SLC44A1: variants seen among roughly 807,000 people sequenced by gnomAD.
SLC44A1 encodes solute carrier family 44 member 1, also known as choline transporter-like protein 1.
A neutral mutation model predicts 79.3 loss-of-function variants in SLC44A1; 26 were observed. The observed-to-expected ratio is 0.33, with a 90% CI of 0.24 to 0.46. The LOEUF (loss-of-function observed/expected upper bound fraction) is 0.46. Ranked by LOEUF, SLC44A1 falls within the 20% of genes least tolerant of loss-of-function variation. The probability of loss-of-function intolerance (pLI) is 1.00; values close to 1 mark genes in which losing one functional copy is unlikely to be tolerated. For missense variants in SLC44A1, 688 were observed against 798.1 expected (o/e 0.86, Z 1.66); for synonymous variants, 263 against 286.2 (o/e 0.92, Z 0.82).
chr9:105,380,983 T>C (rs1828445147), intron 13 of SLC44A1, among the ~76,000 whole-genome samples: 1 of 152,252 alleles, frequency 6.6e-6, no homozygotes, highest in African/African-American at 2.4e-5. Context: ...CTACATTTTT[T>C]TGGCTAAACA....
intron 3 of SLC44A1, among the ~76,000 whole-genome samples, chr9:105,319,376 G>A (rs960654651): frequency 6.6e-6 from 1 of 152,118 alleles, no homozygotes; most frequent in African/African-American, 2.4e-5. Flanking sequence ...TCTCCCTTGG[G>A]GAGAGTGGAG....
chr9:105,283,412 G>A (rs773760090), intron 1 of SLC44A1, among the ~76,000 whole-genome samples: 1 of 152,234 alleles, frequency 6.6e-6, no homozygotes, highest in Non-Finnish European at 1.5e-5. Context: ...TAGCTGTGAA[G>A]AGGCGCTCTG....
chr9:105,413,144 ATCAG>A (rs1206044781), intron 15 of SLC44A1, among the ~76,000 whole-genome samples: 1 of 152,246 alleles, frequency 6.6e-6, no homozygotes, highest in Non-Finnish European at 1.5e-5. Flanking sequence ...CTTCTGTTTC[ATCAG>A]TCAATTAACA....
At chr9:105,315,826 T>C (rs761192627) in intron 3 of SLC44A1, among the ~76,000 whole-genome samples, 2 of 152,192 alleles carry the variant, frequency 1.3e-5, no homozygotes, top group Non-Finnish European at 2.9e-5. Context: ...TGTACAGTGT[T>C]TCATTATGTG....
intron 1 of SLC44A1, among the ~76,000 whole-genome samples, chr9:105,245,764 T>A (rs1257942527): frequency 1.3e-5 from 2 of 152,238 alleles, no homozygotes; most frequent in Admixed American, 1.3e-4. Flanking sequence ...GCTTCTACCC[T>A]GCCCCCATCC....
intron 4 of SLC44A1, among the ~76,000 whole-genome samples, chr9:105,336,134 ATGTGTGTG>A (rs35324360): frequency 6.9e-6 from 1 of 145,072 alleles, no homozygotes; most frequent in Non-Finnish European, 1.5e-5. Context: ...GTGTGTGTGC[ATGTGTGTG>A]TGTGTGTGTG....
At position 105,352,801 on chromosome 9, in the gene SLC44A1, C is replaced by T. The variant is rs566421963; in HGVS notation, c.501-3411C>T. Among the ~76,000 whole-genome samples the T allele has an allele frequency of 2.6e-5, 4 of 152,112 alleles. No homozygotes were observed. In the South Asian group the frequency reaches 6.2e-4, roughly 24 times the overall value. On this transcript the variant is annotated intron_variant, in intron 5 of 15. Transcript: ENST00000374720. ...TTCATTAAATCACATGGGATTTAAA[C>T]GCTAAAATATAAAACAAACCATTTC...
intron 15 of SLC44A1, among the ~76,000 whole-genome samples, chr9:105,422,518 A>G (rs1829267681): frequency 6.6e-6 from 1 of 151,670 alleles, no homozygotes; most frequent in South Asian, 2.1e-4. Context: ...TGATCTCTTA[A>G]ACTGGTGATC....
intron 1 of SLC44A1, among the ~76,000 whole-genome samples, chr9:105,251,992 G>A (rs111639679): frequency 1.4e-4 from 22 of 152,238 alleles, no homozygotes; most frequent in Admixed American, 3.3e-4. Context: ...TATGGCTTAC[G>A]AGCTAAGAAT....
At chr9:105,351,632 G>GAAGAAAGAAAGAA (rs768336417) in intron 5 of SLC44A1, among the ~76,000 whole-genome samples, 3 of 101,394 alleles carry the variant, frequency 3.0e-5, no homozygotes, top group Admixed American at 2.0e-4. Flanking sequence ...GAGAGAGAAA[G>GAAGAAAGAAAGAA]AGAAAGAAAG....
Position 105,392,984 on chromosome 9 carries a change from ACT to A in SLC44A1, c.*3932_*3933del. 3.0e-6 allele frequency: 3 copies of A among 984,616 alleles called. No individual in the cohort carries two copies. The highest frequency in any genetic ancestry group is 3.6e-6 in the Non-Finnish European group (3 of 829,514). The allele number at this position is 984,616 out of a possible 1,614,324, so 61.0% of individuals were successfully genotyped here. A position where few individuals can be genotyped will look rare whatever the true frequency, so the allele number is the denominator to read the frequency against. On this transcript the variant is annotated 3_prime_UTR_variant, in exon 16 of 16. Transcript: ENST00000374720. ...AAAAAAAACAACAACAACAAATAAA[ACT>A]CTCAGAGTCTGGAGGCTTATCAGTG...
At position 105,431,979 on chromosome 9, in the gene SLC44A1, G is replaced by A. The variant is rs150238759; in HGVS notation, c.1951-6302G>A. Among the ~76,000 whole-genome samples the A allele has an allele frequency of 9.7e-3, 1,484 of 152,328 alleles. 15 individuals carry two copies. The highest frequency in any genetic ancestry group is 0.015 in the Non-Finnish European group (1,023 of 68,032). Reference sequence around the variant, plus strand: ...ACTCTGTTGCCCAGGCTTTAGTGCAGTGGCGCAATCTTGGCTCACTGCAAC... The same window carrying A: ...ACTCTGTTGCCCAGGCTTTAGTGCAATGGCGCAATCTTGGCTCACTGCAAC... On this transcript the variant is annotated intron_variant, in intron 15 of 15. Coordinates refer to the SLC44A1 transcript ENST00000374724.
chr9:105,324,443 G>A (rs1826507588), intron 3 of SLC44A1, among the ~76,000 whole-genome samples: 1 of 151,498 alleles, frequency 6.6e-6, no homozygotes, highest in African/African-American at 2.4e-5. Flanking sequence ...TGTAGAGATG[G>A]GGTTTCACTG....
intron 5 of SLC44A1, among the ~76,000 whole-genome samples, chr9:105,351,615 A>AG (rs1491525859): frequency 2.0e-3 from 235 of 115,464 alleles, no homozygotes; most frequent in Middle Eastern, 4.2e-3. Flanking sequence ...AGAAAGAAAG[A>AG]AAGAAAGAGA....
intron 13 of SLC44A1, among the ~76,000 whole-genome samples, chr9:105,381,932 AG>A (rs2131462667): frequency 6.6e-6 from 1 of 152,360 alleles, no homozygotes; most frequent in African/African-American, 2.4e-5. Context: ...ATGCTAGACA[AG>A]AAGAGGCTGC....
At chr9:105,380,646 G>C (rs773224781) in intron 13 of SLC44A1, among the ~76,000 whole-genome samples, 1 of 151,986 alleles carries the variant, frequency 6.6e-6, no homozygotes, top group Non-Finnish European at 1.5e-5. Context: ...TACGAAAGAA[G>C]ACATTTTAAA....
At chr9:105,430,708 A>C (rs78097953) in intron 15 of SLC44A1, among the ~76,000 whole-genome samples, 4,913 of 152,244 alleles carry the variant, frequency 0.032, 264 homozygotes, top group African/African-American at 0.11. Context: ...CCTTTTCGCT[A>C]TTCTGAATAA....
chr9:105,341,279 G>A (rs1827079073), intron 4 of SLC44A1, among the ~76,000 whole-genome samples: 1 of 149,370 alleles, frequency 6.7e-6, no homozygotes, highest in Non-Finnish European at 1.5e-5. Flanking sequence ...AGGTTGCACT[G>A]AGCTGAGATC....
At chr9:105,342,911 G>A (rs933158402) in intron 4 of SLC44A1, among the ~76,000 whole-genome samples, 5 of 151,698 alleles carry the variant, frequency 3.3e-5, no homozygotes, top group Non-Finnish European at 5.9e-5. Flanking sequence ...AGGCCAAGGC[G>A]GGAGGATCAC....
Sources: gnomAD v4.1 joint callset for allele counts (sites outside exome capture counted in the v4.1 genomes callset) on GRCh38, gnomAD v4.1.1 for gene constraint, MANE v1.5 for transcripts, NCBI Gene and HGNC (gene_info 2026-07-23, HGNC 2026-07-21) for gene names.